Variants in CDK7 observed in about 807,000 individuals in gnomAD.
The protein encoded by CDK7 is cyclin-dependent kinase 7.
A neutral mutation model predicts 49.1 loss-of-function variants in CDK7; 25 were observed. That is an observed-to-expected ratio of 0.51 (90% CI 0.37 to 0.71). CDK7 has a LOEUF of 0.71. Among genes scored for constraint, CDK7 ranks in the 30% least tolerant of loss-of-function variants. The pLI is 0.00. For missense variants in CDK7, 316 were observed against 411.7 expected, an observed-to-expected ratio of 0.77 and a Z score of 2.01; for synonymous variants, 107 against 140.0, an observed-to-expected ratio of 0.76 and a Z score of 1.67.
At chr5:69,244,452 G>A (rs1210387322) in intron 2 of CDK7, among the ~76,000 whole-genome samples, 1 of 151,832 alleles carries the variant, frequency 6.6e-6, no homozygotes, top group African/African-American at 2.4e-5. Flanking sequence ...GACCAACATG[G>A]AGAAACCTCG....
At chr5:69,255,121 T>C (rs145790911) in intron 4 of CDK7, among the ~76,000 whole-genome samples, 8 of 151,756 alleles carry the variant, frequency 5.3e-5, no homozygotes, top group Admixed American at 4.6e-4. Flanking sequence ...GCTGCTGTTA[T>C]TTAGAGGATT....
chr5:69,270,759 A>G (rs757708244), intron 9 of CDK7, among the ~76,000 whole-genome samples: 1 of 152,226 alleles, frequency 6.6e-6, no homozygotes, highest in South Asian at 2.1e-4. Flanking sequence ...TTTCATATCC[A>G]TCATAAATGG....
At chr5:69,250,568 C>G (rs935905417) in intron 2 of CDK7, among the ~76,000 whole-genome samples, 1 of 152,120 alleles carries the variant, frequency 6.6e-6, no homozygotes. Flanking sequence ...GACTCATCTT[C>G]AGGGTAGTGG....
At chr5:69,257,983 T>C (rs899875734) in intron 5 of CDK7, 60 bp from the exon 6 acceptor site, 1 of 817,352 alleles carries the variant, frequency 1.2e-6, no homozygotes, top group Non-Finnish European at 2.0e-6. Flanking sequence ...AATTGTTTTA[T>C]GTGGTAGAGT....
At position 69,252,552 on chromosome 5, in the gene CDK7, C is replaced by G; in HGVS notation, c.160+101C>G. The G allele has an allele frequency of 4.3e-6, 3 of 697,264 alleles. No individual in the cohort carries two copies. In the South Asian group the frequency reaches 5.8e-5, roughly 14 times the overall value. 43.2% of individuals were successfully genotyped at this position (697,264 alleles called of 1,614,324 possible). A position where few individuals can be genotyped will look rare whatever the true frequency, so the allele number is the denominator to read the frequency against. Reference sequence around the variant, plus strand: ...AAAGACAGGGTCTTGCTCTGTCACCCAGGCTGGAGTACTGAGACACAATCG... The same window carrying G: ...AAAGACAGGGTCTTGCTCTGTCACCGAGGCTGGAGTACTGAGACACAATCG... On this transcript the variant is annotated intron_variant, in intron 3 of 11. Transcript: ENST00000256443.
chr5:69,239,273 G>A (rs1749210964), intron 2 of CDK7, among the ~76,000 whole-genome samples: 1 of 152,084 alleles, frequency 6.6e-6, no homozygotes, highest in South Asian at 2.1e-4. Flanking sequence ...TGTCAATTAC[G>A]TAGATTGAAA....
chr5:69,270,753 A>C (rs1178251448), intron 9 of CDK7, among the ~76,000 whole-genome samples: 1 of 152,224 alleles, frequency 6.6e-6, no homozygotes, highest in Non-Finnish European at 1.5e-5. Flanking sequence ...TAACTTTTTC[A>C]TATCCATCAT....
At chr5:69,262,082 C>A in intron 7 of CDK7, 123 bp from the exon 8 acceptor site, 1 of 1,116,830 alleles carries the variant, frequency 9.0e-7, no homozygotes, top group Non-Finnish European at 1.3e-6. Context: ...AGTATGGTAT[C>A]TAGTCCTTAA....
At chr5:69,267,615 A>G (rs1272434579) in intron 8 of CDK7, among the ~76,000 whole-genome samples, 1 of 152,252 alleles carries the variant, frequency 6.6e-6, no homozygotes, top group South Asian at 2.1e-4. Flanking sequence ...GGATTCTTTA[A>G]TCATAACCAC....
intron 7 of CDK7, among the ~76,000 whole-genome samples, chr5:69,261,488 C>CTGTGTGTGTGTGTGTGTGTGTGTG (rs376469145): frequency 8.3e-6 from 1 of 120,262 alleles, no homozygotes. Context: ...TGAAAAGGTT[C>CTGTGTGTGTGTGTGTGTGTGTGTG]TCTGTGTGTG....
At chr5:69,265,970 C>T (rs1026825141) in intron 8 of CDK7, among the ~76,000 whole-genome samples, 2 of 151,950 alleles carry the variant, frequency 1.3e-5, no homozygotes, top group Non-Finnish European at 2.9e-5. Flanking sequence ...TGCCTGTAGT[C>T]CCAGCTGCTT....
At chr5:69,252,386 A>C in intron 2 of CDK7, 32 bp from the exon 3 acceptor site, 1 of 1,314,646 alleles carries the variant, frequency 7.6e-7, no homozygotes. Flanking sequence ...ACACATTTTT[A>C]ATATATTTGG....
At chr5:69,238,617 A>AT (rs1161921669) in intron 2 of CDK7, among the ~76,000 whole-genome samples, 2 of 149,158 alleles carry the variant, frequency 1.3e-5, no homozygotes, top group Non-Finnish European at 3.0e-5. Context: ...ATATATGTAT[A>AT]TTTGGCATAT....
chr5:69,259,344 A>G (rs1750678325), intron 6 of CDK7, among the ~76,000 whole-genome samples: 1 of 152,180 alleles, frequency 6.6e-6, no homozygotes, highest in African/African-American at 2.4e-5. Context: ...GTAGCTAAGA[A>G]TATATAATTT....
At chr5:69,241,249 A>G (rs1749351643) in intron 2 of CDK7, among the ~76,000 whole-genome samples, 1 of 149,738 alleles carries the variant, frequency 6.7e-6, no homozygotes, top group Admixed American at 6.7e-5. Context: ...ACCAGGATTC[A>G]TCCTTATCTT....
intron 4 of CDK7, 100 bp from the exon 5 acceptor site, chr5:69,255,360 A>G (rs987704517): frequency 1.4e-5 from 9 of 648,968 alleles, no homozygotes; most frequent in African/African-American, 9.0e-5. Flanking sequence ...GGAATTACCA[A>G]CAGTTTAAAT....
At chr5:69,244,665 T>C (rs1749615757) in intron 2 of CDK7, among the ~76,000 whole-genome samples, 1 of 149,050 alleles carries the variant, frequency 6.7e-6, no homozygotes, top group African/African-American at 2.5e-5. Context: ...AAAGATCATA[T>C]CGTCTACAAA....
At chr5:69,238,937 C>A (rs754405595) in intron 2 of CDK7, among the ~76,000 whole-genome samples, 3 of 152,146 alleles carry the variant, frequency 2.0e-5, no homozygotes, top group Non-Finnish European at 4.4e-5. Context: ...CCAGTTGATT[C>A]ATGCTCGTTG....
rs1045537172 is a variant in CDK7 at position 69,250,975 on chromosome 5, G to A, written c.127-1443G>A. 9.1e-6 allele frequency: 4 copies of A among 441,870 alleles called. No individual in the cohort carries two copies. The Admixed American group carries it at 9.8e-5, about 11-fold the overall frequency. 27.4% of individuals were successfully genotyped at this position (441,870 alleles called of 1,614,324 possible). ...TAGAATCGCCTGTTCTGTTGCCCAG[G>A]CTGGAATGCAGTGGTGCAATCATAG... On this transcript the variant is annotated intron_variant, in intron 2 of 11. Transcript: ENST00000256443.
Sources: allele counts gnomAD v4.1 joint callset (sites outside exome capture counted in the v4.1 genomes callset), GRCh38; gene constraint gnomAD v4.1.1; transcripts MANE v1.5; gene names NCBI Gene and HGNC (gene_info 2026-07-23, HGNC 2026-07-21).